The following AASS variants were observed in gnomAD, a reference collection of about 807,000 sequenced individuals.
AASS encodes the protein alpha-aminoadipic semialdehyde synthase, mitochondrial.
A neutral mutation model predicts 105.4 loss-of-function variants in AASS; 86 were observed. The ratio of observed to expected loss-of-function variants is 0.82; its 90% CI spans 0.69 to 0.98. The LOEUF is 0.98. Ranked by LOEUF, AASS falls within the 50% of genes least tolerant of loss-of-function variation. AASS has a pLI of 0.00. For synonymous variants in AASS, 381 were observed against 394.8 expected, an observed-to-expected ratio of 0.96 and a Z score of 0.41; for missense variants, 1,048 against 1,143.2, an observed-to-expected ratio of 0.92 and a Z score of 1.20.
chr7:122,076,377 C>A lies in AASS; in HGVS notation c.*112G>T, dbSNP rs1793008523. ...TAGTTCAAAAAGTACATTGTGTTAACCAAAACATATTATGCTTTATACTTT... is the reference window on the plus strand; with the variant it reads ...TAGTTCAAAAAGTACATTGTGTTAAACAAAACATATTATGCTTTATACTTT... On this transcript the variant is annotated 3_prime_UTR_variant, in exon 24 of 24. Coordinates refer to ENST00000417368, the MANE Select transcript of AASS (RefSeq NM_005763.4). 2 of 803,300 alleles carry A rather than the reference C, an allele frequency of 2.5e-6. No homozygotes were observed. The highest frequency in any genetic ancestry group is 3.5e-4 in the Middle Eastern group (1 of 2,884). 49.8% of individuals were successfully genotyped at this position (803,300 alleles called of 1,614,324 possible).
At chr7:122,103,743 A>G (rs2150525969) in intron 11 of AASS, among the ~76,000 whole-genome samples, 1 of 152,086 alleles carries the variant, frequency 6.6e-6, no homozygotes, top group East Asian at 1.9e-4. Context: ...TCAGAAAGGT[A>G]AAAAAGAAAT....
At chr7:122,114,818 G>A (rs934693947) in intron 9 of AASS, among the ~76,000 whole-genome samples, 7 of 152,218 alleles carry the variant, frequency 4.6e-5, no homozygotes, top group African/African-American at 1.7e-4. Context: ...AAGGCAGGAG[G>A]TCTGCTTGGG....
At chr7:122,144,024 G>T (rs1162556549) in intron 1 of AASS, 137 bp downstream of exon 1, 1 of 152,110 alleles carries the variant, frequency 6.6e-6, no homozygotes, top group Non-Finnish European at 1.5e-5. Flanking sequence ...GCCTCGCGGC[G>T]CCGGGACCCG....
At chr7:122,100,792 A>G (rs573139629) in intron 13 of AASS, among the ~76,000 whole-genome samples, 11 of 152,012 alleles carry the variant, frequency 7.2e-5, no homozygotes, top group African/African-American at 2.4e-4. Flanking sequence ...CCTTAGCTAA[A>G]GACCTTTCTA....
intron 1 of AASS, among the ~76,000 whole-genome samples, chr7:122,135,964 A>G (rs1384531111): frequency 6.6e-6 from 1 of 152,182 alleles, no homozygotes; most frequent in Non-Finnish European, 1.5e-5. Context: ...CTTCAATTGG[A>G]TTCTATCCAA....
chr7:122,113,181 T>A lies in AASS; in HGVS notation c.1215A>T (p.Ala405=), dbSNP rs774398047. The stretch of plus-strand genomic sequence containing the variant: ...ATTCTGTAGCTTCAATTGGGAGCTG[T>A]GCCGGCAAATTGTCAATGGAACACA... ...ILMCSIDNLP[A]QLPIEATECF... The change falls in exon 11 of 24, where the codon GCA becomes GCT. Residue 405 remains alanine, a synonymous_variant. Coordinates refer to ENST00000417368, the MANE Select transcript of AASS (RefSeq NM_005763.4). 2.4e-5 allele frequency: 38 copies of A among 1,613,966 alleles called. No individual in the cohort carries two copies. In the East Asian group the frequency reaches 8.0e-4, roughly 34 times the overall value.
chr7:122,114,934 T>A (rs1795097920), intron 9 of AASS, 140 bp downstream of exon 9: 2 of 1,093,104 alleles, frequency 1.8e-6, no homozygotes, highest in South Asian at 2.5e-5. Context: ...TTAACAGTGT[T>A]GAGTACTGCC....
intron 21 of AASS, chr7:122,079,277 G>T (rs1199780329): frequency 7.4e-7 from 1 of 1,345,188 alleles, no homozygotes; most frequent in East Asian, 3.2e-5. Flanking sequence ...TGCCACAGCG[G>T]TCATATGAAA....
chr7:122,134,239 G>A (rs757940038), intron 1 of AASS, among the ~76,000 whole-genome samples: 12 of 152,060 alleles, frequency 7.9e-5, no homozygotes, highest in Non-Finnish European at 1.6e-4. Context: ...GTGTGCCCTA[G>A]TGTCAGTCAG....
At chr7:122,125,222 A>T (rs1369020804) in intron 4 of AASS, among the ~76,000 whole-genome samples, 1 of 152,064 alleles carries the variant, frequency 6.6e-6, no homozygotes, top group East Asian at 1.9e-4. Context: ...ACCCTGCCTG[A>T]ATTGGTTTTA....
At chr7:122,082,768 A>G in intron 19 of AASS, 2 of 1,229,726 alleles carry the variant, frequency 1.6e-6, no homozygotes, top group Non-Finnish European at 2.1e-6. Context: ...CTGTGGGAGC[A>G]CAAAAGAAGG....
Position 122,073,739 on chromosome 7 carries a change from T to A in AASS, c.*2750A>T, listed in dbSNP as rs1408580682. On this transcript the variant is annotated 3_prime_UTR_variant, in exon 24 of 24. Coordinates refer to ENST00000417368, the MANE Select transcript of AASS (RefSeq NM_005763.4). ...CTAATTAGCAGTCACCCCTTTGTCC[T>A]CCCCAACCCTTCAGCCTAAGCAACC... is the stretch of plus-strand genomic sequence containing the variant. 6.6e-6 allele frequency among the ~76,000 whole-genome samples: 1 copy of A among 152,112 alleles called. No homozygotes were observed. Among genetic ancestry groups the A allele is most frequent in the Non-Finnish European group, 1.5e-5 (1 of 68,014 alleles).
rs572724798 is a variant in AASS, at chr7:122,116,408, G to A, written c.894+225C>T. ...CATGTAGACCTGAAGCAGAAATGGA[G>A]ACAGTGAAACAAAGAGTGTATCCAC... is the stretch of plus-strand genomic sequence containing the variant. On this transcript the variant is annotated intron_variant, in intron 8 of 23. Coordinates refer to ENST00000417368, the MANE Select transcript of AASS (RefSeq NM_005763.4). Among the ~76,000 whole-genome samples, 78 of 152,246 alleles carry A rather than the reference G, an allele frequency of 5.1e-4. 1 individual carries two copies. The South Asian group carries it at 5.6e-3, about 11-fold the overall frequency.
At chr7:122,119,270 G>A (rs1293367284) in intron 4 of AASS, among the ~76,000 whole-genome samples, 1 of 152,044 alleles carries the variant, frequency 6.6e-6, no homozygotes, top group Non-Finnish European at 1.5e-5. Flanking sequence ...TCACCCTCAG[G>A]ATTATGTCCT....
chr7:122,078,099 T>A, intron 22 of AASS, 85 bp from the exon 23 acceptor site: 2 of 1,355,392 alleles, frequency 1.5e-6, no homozygotes, highest in Non-Finnish European at 2.1e-6. Flanking sequence ...CTTCTGGTCT[T>A]AAAAGTTTTC....
intron 1 of AASS, among the ~76,000 whole-genome samples, chr7:122,142,228 C>T (rs961699262): frequency 1.2e-4 from 19 of 152,248 alleles, no homozygotes; most frequent in African/African-American, 4.1e-4. Flanking sequence ...GCTCTTAAGA[C>T]GTTTAATTGA....
chr7:122,089,010 A>G (rs1259737986), intron 18 of AASS, among the ~76,000 whole-genome samples: 1 of 152,036 alleles, frequency 6.6e-6, no homozygotes, highest in East Asian at 1.9e-4. Context: ...ACACATTCAA[A>G]TTCATAGGCC....
Position 122,086,063 on chromosome 7 carries a change from A to AATCTC in AASS, c.2128_2132dup (p.Ile711MetfsTer17). The AATCTC allele has an allele frequency of 6.2e-7, 1 of 1,613,698 alleles. No homozygotes were observed. The highest frequency in any genetic ancestry group is 8.5e-7 in the Non-Finnish European group (1 of 1,179,794). Reference sequence around the variant, plus strand: ...AAGTGTGAGCAGAAGAAATGCCATAAATCTCAGCATATTTCGTACTGTCTC... The same window carrying AATCTC: ...AAGTGTGAGCAGAAGAAATGCCATAAATCTCATCTCAGCATATTTCGTACTGTCTC... On this transcript the variant is annotated frameshift_variant, in exon 19 of 24. Coordinates refer to ENST00000417368, the MANE Select transcript of AASS (RefSeq NM_005763.4). LOFTEE classifies it high-confidence loss of function.
chr7:122,138,318 T>C (rs1796245431), intron 1 of AASS, among the ~76,000 whole-genome samples: 1 of 152,220 alleles, frequency 6.6e-6, no homozygotes, highest in Admixed American at 6.5e-5. Context: ...AAATCTCTGA[T>C]AGTCCCAAAC....
Sources: allele counts gnomAD v4.1 joint callset (sites outside exome capture counted in the v4.1 genomes callset), GRCh38; gene constraint gnomAD v4.1.1; transcripts MANE v1.5; gene names NCBI Gene and HGNC (gene_info 2026-07-23, HGNC 2026-07-21).